Variants in ARFGEF1 observed in about 807,000 individuals in gnomAD.
The protein encoded by ARFGEF1 is brefeldin A-inhibited guanine nucleotide-exchange protein 1.
In ARFGEF1, 42 loss-of-function variants were observed where a neutral mutation model predicts 231.0. The ratio of observed to expected loss-of-function variants is 0.18; its 90% CI spans 0.14 to 0.24. The LOEUF is 0.24. ARFGEF1 is among the 10% of genes least tolerant of loss of function. ARFGEF1 has a pLI of 1.00. For synonymous variants in ARFGEF1, 710 were observed against 732.3 expected (o/e 0.97, Z 0.49); for missense variants, 1,345 against 2,192.0 (o/e 0.61, Z 7.72).
At chr8:67,249,577 T>C (rs1316013055) in intron 19 of ARFGEF1, among the ~76,000 whole-genome samples, 1 of 150,384 alleles carries the variant, frequency 6.6e-6, no homozygotes, top group Non-Finnish European at 1.5e-5. Flanking sequence ...TAGTTTAGAT[T>C]AGAGGGGACA....
chr8:67,192,810 A>G (rs143182461), downstream of ARFGEF1, among the ~76,000 whole-genome samples: 117 of 151,460 alleles, frequency 7.7e-4, no homozygotes, highest in Middle Eastern at 3.4e-3. Flanking sequence ...AAACGTAAGG[A>G]TTTATTTCTA....
At chr8:67,246,326 A>T (rs1840105188) in intron 19 of ARFGEF1, among the ~76,000 whole-genome samples, 1 of 150,648 alleles carries the variant, frequency 6.6e-6, no homozygotes, top group Non-Finnish European at 1.5e-5. Flanking sequence ...TTTCCTCAGC[A>T]CATGGATCAT....
intron 7 of ARFGEF1, among the ~76,000 whole-genome samples, chr8:67,287,311 T>C (rs539401690): frequency 2.6e-5 from 4 of 152,070 alleles, no homozygotes; most frequent in Admixed American, 2.0e-4. Context: ...GAGTCTCTAA[T>C]GAGCTTCCCT....
intron 4 of ARFGEF1, among the ~76,000 whole-genome samples, chr8:67,298,198 G>A (rs1198872228): frequency 6.6e-6 from 1 of 151,868 alleles, no homozygotes. Flanking sequence ...ATTCACACAT[G>A]AAAGAACACT....
At chr8:67,298,204 A>G (rs1806323340) in intron 4 of ARFGEF1, among the ~76,000 whole-genome samples, 1 of 152,160 alleles carries the variant, frequency 6.6e-6, no homozygotes, top group Non-Finnish European at 1.5e-5. Flanking sequence ...ACATGAAAGA[A>G]CACTTCATAT....
At position 67,198,972 on chromosome 8, in the gene ARFGEF1, G is replaced by A; in HGVS notation, c.5512C>T (p.Gln1838Ter). The change falls in exon 39 of 39, where the codon CAA becomes TAA. Residue 1838 changes from glutamine to a stop codon, truncating the protein, a stop_gained. Transcript: ENST00000262215. LOFTEE classifies it high-confidence loss of function. Reference protein sequence around the residue: ...LRIGVVFQISQPPEQELGINK... With the variant: ...LRIGVVFQIS Reference sequence around the variant, plus strand: ...ATTCCAAGTTCCTGTTCAGGTGGTTGTGATATCTGAAAAACTACTCCGATT... The same window carrying A: ...ATTCCAAGTTCCTGTTCAGGTGGTTATGATATCTGAAAAACTACTCCGATT... 1 of 1,613,142 alleles carries A rather than the reference G, an allele frequency of 6.2e-7. No homozygotes were observed. Among genetic ancestry groups the A allele is most frequent in the Non-Finnish European group, 8.5e-7 (1 of 1,179,750 alleles).
intron 19 of ARFGEF1, among the ~76,000 whole-genome samples, chr8:67,241,485 T>C (rs546203518): frequency 6.6e-6 from 1 of 151,954 alleles, no homozygotes; most frequent in South Asian, 2.1e-4. Flanking sequence ...AAAAAAAAAA[T>C]GTTTAACTCC....
chr8:67,311,293 G>C (rs1193986117), intron 1 of ARFGEF1, among the ~76,000 whole-genome samples: 1 of 132,454 alleles, frequency 7.5e-6, no homozygotes, highest in East Asian at 2.4e-4. Context: ...AGGTGGGGGG[G>C]GTCAGCCCCC....
intron 5 of ARFGEF1, among the ~76,000 whole-genome samples, chr8:67,187,088 A>G (rs1834878918): frequency 6.6e-6 from 1 of 152,136 alleles, no homozygotes; most frequent in African/African-American, 2.4e-5. Context: ...ATAAATGGAG[A>G]TATATTTCAT....
chr8:67,193,053 A>G (rs745375722), downstream of ARFGEF1, among the ~76,000 whole-genome samples: 6 of 152,196 alleles, frequency 3.9e-5, no homozygotes, highest in Admixed American at 1.3e-4. Flanking sequence ...TACGTGCTCT[A>G]TATTTTCATG....
At chr8:67,179,455 T>A (rs1832490593) in intron 5 of ARFGEF1, among the ~76,000 whole-genome samples, 1 of 152,242 alleles carries the variant, frequency 6.6e-6, no homozygotes, top group Admixed American at 6.5e-5. Flanking sequence ...TACAGGTTTA[T>A]GGAAATTCGG....
chr8:67,339,038 A>C (rs1423357825), intron 1 of ARFGEF1, among the ~76,000 whole-genome samples: 1 of 152,232 alleles, frequency 6.6e-6, no homozygotes, highest in East Asian at 1.9e-4. Context: ...GTGGGATTAA[A>C]GGGGCAGAAG....
chr8:67,236,044 C>T (rs1383781295), intron 22 of ARFGEF1, among the ~76,000 whole-genome samples: 1 of 151,726 alleles, frequency 6.6e-6, no homozygotes, highest in Non-Finnish European at 1.5e-5. Flanking sequence ...CCTGTAATCC[C>T]AGCACTTTGG....
At chr8:67,260,659 G>A (rs1804577524) in intron 14 of ARFGEF1, among the ~76,000 whole-genome samples, 1 of 152,094 alleles carries the variant, frequency 6.6e-6, no homozygotes, top group Non-Finnish European at 1.5e-5. Flanking sequence ...CTGAAATTAG[G>A]CCAGTTAAGA....
chr8:67,174,994 T>A (rs1232186543), downstream of ARFGEF1: 1 of 321,924 alleles, frequency 3.1e-6, no homozygotes, highest in East Asian at 7.3e-5. Flanking sequence ...GTAGTCTGTG[T>A]TCTGGGTGGC....
chr8:67,267,347 A>C lies in ARFGEF1; in HGVS notation c.1668T>G (p.Cys556Trp), dbSNP rs1319628995. ...AAAAAGGATAATTTAAAATACCTGC[A>C]CAAATCCTCGTCAGTGTCTGAATAA... ...WMVIQTLTRICADAQSVVDIY... is the reference protein window; with the variant it reads ...WMVIQTLTRIWADAQSVVDIY... Residue 556 changes from cysteine (C) to tryptophan (W), a missense_variant, in exon 11 of 39, where the codon TGT becomes TGG. Physicochemically the swap from Cys to Trp is radical, Grantham distance 215. Around this residue, in one of 14 missense-constraint regions of ARFGEF1, gnomAD observed 141 missense variants for 259.9 expected, o/e 0.54. Transcript: ENST00000262215. 6.2e-7 allele frequency: 1 copy of C among 1,607,956 alleles called. No individual in the cohort carries two copies. Among genetic ancestry groups the C allele is most frequent in the South Asian group, 1.1e-5 (1 of 89,006 alleles).
chr8:67,311,016 C>A (rs1807000668), intron 1 of ARFGEF1, among the ~76,000 whole-genome samples: 1 of 147,576 alleles, frequency 6.8e-6, no homozygotes, highest in Admixed American at 6.7e-5. Flanking sequence ...GCCAGCCGCC[C>A]CGTCTGGGAG....
At chr8:67,323,746 C>A (rs1807699724) in intron 1 of ARFGEF1, among the ~76,000 whole-genome samples, 1 of 152,060 alleles carries the variant, frequency 6.6e-6, no homozygotes, top group Non-Finnish European at 1.5e-5. Flanking sequence ...CAAACCTGTG[C>A]TAAGGCAACA....
chr8:67,267,482 G>C, intron 10 of ARFGEF1, 40 bp from the exon 11 acceptor site: 1 of 1,292,574 alleles, frequency 7.7e-7, no homozygotes, highest in Non-Finnish European at 1.1e-6. Flanking sequence ...ATATTGTTTA[G>C]AATTCATATG....
Sources: allele counts gnomAD v4.1 joint callset (sites outside exome capture counted in the v4.1 genomes callset), GRCh38; gene constraint gnomAD v4.1.1; regional missense constraint gnomAD v4.1.1; transcripts MANE v1.5; gene names NCBI Gene and HGNC (gene_info 2026-07-23, HGNC 2026-07-21).